SEZ6L: variants seen among roughly 807,000 people sequenced by gnomAD.
SEZ6L encodes the protein seizure related 6 homolog like, also known as seizure 6-like protein.
A neutral mutation model predicts 106.2 loss-of-function variants in SEZ6L; 37 were observed. The observed-to-expected ratio is 0.35, with a 90% CI of 0.27 to 0.46. The LOEUF (loss-of-function observed/expected upper bound fraction) is 0.46. Among genes scored for constraint, SEZ6L ranks in the 20% least tolerant of loss-of-function variants. The pLI, the probability that SEZ6L is intolerant of heterozygous loss-of-function variation, is 1.00. For missense variants in SEZ6L, 1,172 were observed against 1,332.8 expected, an observed-to-expected ratio of 0.88 and a Z score of 1.88; for synonymous variants, 541 against 570.4, an observed-to-expected ratio of 0.95 and a Z score of 0.73.
intron 9 of SEZ6L, among the ~76,000 whole-genome samples, chr22:26,323,941 C>T (rs2082227144): frequency 6.6e-6 from 1 of 152,074 alleles, no homozygotes; most frequent in African/African-American, 2.4e-5. Context: ...TGTGACTACT[C>T]CTTTGTACAG....
intron 1 of SEZ6L, among the ~76,000 whole-genome samples, chr22:26,181,753 G>C (rs563552938): frequency 6.6e-6 from 1 of 152,232 alleles, no homozygotes; most frequent in South Asian, 2.1e-4. Flanking sequence ...CTGGTACGTA[G>C]CAGAAGTTCA....
intron 1 of SEZ6L, among the ~76,000 whole-genome samples, chr22:26,270,093 T>A (rs671317): frequency 0.31 from 46,831 of 152,112 alleles, 7,864 homozygotes; most frequent in Non-Finnish European, 0.37. Flanking sequence ...AAGCTTCATG[T>A]TGACAATTTC....
intron 9 of SEZ6L, among the ~76,000 whole-genome samples, chr22:26,335,285 C>T (rs1421763772): frequency 6.6e-6 from 1 of 152,174 alleles, no homozygotes; most frequent in Non-Finnish European, 1.5e-5. Context: ...CAGGCACATC[C>T]TATATTATTT....
Position 26,327,116 on chromosome 22 carries a change from C to T in SEZ6L, c.2015+13214C>T, listed in dbSNP as rs116071326. 2.3e-3 allele frequency among the ~76,000 whole-genome samples: 343 copies of T among 152,206 alleles called. 1 individual carries two copies. Among genetic ancestry groups the T allele is most frequent in the African/African-American group, 8.0e-3 (333 of 41,522 alleles). On this transcript the variant is annotated intron_variant, in intron 9 of 16. Coordinates refer to ENST00000248933, the MANE Select transcript of SEZ6L (RefSeq NM_021115.5). ...CGACCCCAGCCACTGCCAGCTTCTG[C>T]TGGGAGAAGCTCTGTCAACTCTTCC...
intron 13 of SEZ6L, among the ~76,000 whole-genome samples, chr22:26,369,338 G>GTCCTTTTTTTTTTTTTTTTTTTTT (rs2083927308): frequency 1.2e-5 from 1 of 83,618 alleles, no homozygotes; most frequent in African/African-American, 7.3e-5. Flanking sequence ...TATATAAGCA[G>GTCCTTTTTTTTTTTTTTTTTTTTT]TTCTTTTGTT....
In SEZ6L at chr22:26,342,742, G is replaced by T. The variant is rs533774627; in HGVS notation, c.2212+2110G>T. Among the ~76,000 whole-genome samples, 5 of 152,206 alleles carry T rather than the reference G, an allele frequency of 3.3e-5. No individual in the cohort carries two copies. In the South Asian group the frequency reaches 1.0e-3, roughly 32 times the overall value. On this transcript the variant is annotated intron_variant, in intron 10 of 16. Coordinates refer to ENST00000248933, the MANE Select transcript of SEZ6L (RefSeq NM_021115.5). ...GAATTGTCCATCTCTAACTAGGTTG[G>T]TGCAGAAGTAATTATGATTTTTGGA... is the stretch of plus-strand genomic sequence containing the variant.
chr22:26,377,137 AT>A (rs992012311), intron 15 of SEZ6L, among the ~76,000 whole-genome samples: 8 of 152,244 alleles, frequency 5.3e-5, no homozygotes, highest in South Asian at 2.1e-4. Context: ...AATAAAAAAA[AT>A]AAAACACTTA....
intron 1 of SEZ6L, among the ~76,000 whole-genome samples, chr22:26,217,122 C>G (rs1282993473): frequency 6.6e-6 from 1 of 152,186 alleles, no homozygotes; most frequent in Non-Finnish European, 1.5e-5. Context: ...TTATTCCACA[C>G]AATAGCTTTA....
At chr22:26,202,547 ACTGT>A (rs1941028526) in intron 1 of SEZ6L, among the ~76,000 whole-genome samples, 1 of 152,244 alleles carries the variant, frequency 6.6e-6, no homozygotes, top group Non-Finnish European at 1.5e-5. Context: ...CCTTGAGGAC[ACTGT>A]CAGGCACAGA....
chr22:26,302,888 C>T (rs1438879075), intron 5 of SEZ6L, among the ~76,000 whole-genome samples: 1 of 152,198 alleles, frequency 6.6e-6, no homozygotes, highest in Admixed American at 6.5e-5. Flanking sequence ...GGACAGATGG[C>T]CAGAGCCCCC....
chr22:26,180,266 T>C (rs1043020251), intron 1 of SEZ6L, among the ~76,000 whole-genome samples: 4 of 152,220 alleles, frequency 2.6e-5, no homozygotes, highest in Admixed American at 2.6e-4. Context: ...CTGCAACCCT[T>C]TTGCCAGTTA....
At chr22:26,357,635 T>A (rs919550418) in intron 12 of SEZ6L, among the ~76,000 whole-genome samples, 27 of 152,208 alleles carry the variant, frequency 1.8e-4, no homozygotes, top group African/African-American at 6.3e-4. Flanking sequence ...GAAAGAATTT[T>A]AAAATATATA....
rs1376407937 is a variant in SEZ6L at position 26,348,778 on chromosome 22, G to GGAGAGGGAA, written c.2407+866_2407+867insAGAGGGAAG. Among the ~76,000 whole-genome samples, 16 of 6,384 alleles carry GGAGAGGGAA rather than the reference G, an allele frequency of 2.5e-3. 2 individuals are homozygous for GGAGAGGGAA. Among genetic ancestry groups the GGAGAGGGAA allele is most frequent in the African/African-American group, 0.012 (8 of 676 alleles). 4.2% of individuals were successfully genotyped at this position (6,384 alleles called of 152,430 possible). On this transcript the variant is annotated intron_variant, in intron 11 of 16. Transcript: ENST00000248933. ...GGGAGGGGGAGGGAAGGGGAGGGAA[G>GGAGAGGGAA]GGGAGGGAAGGGGAGGGAAGGGGAG...
intron 1 of SEZ6L, among the ~76,000 whole-genome samples, chr22:26,271,894 C>A (rs1294825192): frequency 1.3e-5 from 2 of 152,174 alleles, no homozygotes; most frequent in African/African-American, 4.8e-5. Context: ...AACTGTGAAG[C>A]AACTCATATT....
chr22:26,344,062 A>G (rs147439389), intron 10 of SEZ6L, among the ~76,000 whole-genome samples: 68 of 152,298 alleles, frequency 4.5e-4, no homozygotes, highest in African/African-American at 1.2e-3. Context: ...CTCCCATTCA[A>G]TGGATGCATC....
chr22:26,265,284 G>A (rs143708190), intron 1 of SEZ6L, among the ~76,000 whole-genome samples: 38 of 152,194 alleles, frequency 2.5e-4, no homozygotes, highest in African/African-American at 6.7e-4. Context: ...CTGGTAACCC[G>A]GAAAAGTCCT....
At chr22:26,344,627 A>C (rs1183590509) in intron 10 of SEZ6L, among the ~76,000 whole-genome samples, 1 of 152,212 alleles carries the variant, frequency 6.6e-6, no homozygotes. Flanking sequence ...CAAAAATTGA[A>C]CCTTGGTGCT....
chr22:26,202,114 C>T (rs1940995342), intron 1 of SEZ6L, among the ~76,000 whole-genome samples: 1 of 152,110 alleles, frequency 6.6e-6, no homozygotes. Context: ...CGGGGTTTCA[C>T]TGTGTTAGCC....
At chr22:26,265,554 TC>T (rs1254011185) in intron 1 of SEZ6L, among the ~76,000 whole-genome samples, 3 of 152,210 alleles carry the variant, frequency 2.0e-5, no homozygotes, top group Non-Finnish European at 4.4e-5. Context: ...TCTCTTCCTC[TC>T]ACTGGAACTG....
Sources: gnomAD v4.1 joint callset for allele counts (sites outside exome capture counted in the v4.1 genomes callset) on GRCh38, gnomAD v4.1.1 for gene constraint, MANE v1.5 for transcripts, NCBI Gene and HGNC (gene_info 2026-07-23, HGNC 2026-07-21) for gene names.